The following DLGAP2 variants were observed in gnomAD, a reference collection of about 807,000 sequenced individuals.
DLGAP2 encodes DLG associated protein 2.
In DLGAP2, 26 loss-of-function variants were observed where a neutral mutation model predicts 100.3. The observed-to-expected ratio is 0.26, with a 90% CI of 0.19 to 0.36. The LOEUF is 0.36. DLGAP2 is among the 10% of genes least tolerant of loss of function. The pLI is 1.00. For missense variants in DLGAP2, 1,858 were observed against 1,453.2 expected, an observed-to-expected ratio of 1.28 and a Z score of -4.53; for synonymous variants, 886 against 630.1, an observed-to-expected ratio of 1.41 and a Z score of -6.08.
intron 1 of DLGAP2, among the ~76,000 whole-genome samples, chr8:782,886 A>C (rs574823159): frequency 9.2e-5 from 14 of 152,302 alleles, no homozygotes; most frequent in Admixed American, 5.2e-4. Context: ...ACAGAAGAAG[A>C]ACCAACCCCC....
At chr8:1,215,401 C>T (rs1198029603) in intron 2 of DLGAP2, among the ~76,000 whole-genome samples, 1 of 152,128 alleles carries the variant, frequency 6.6e-6, no homozygotes, top group African/African-American at 2.4e-5. Flanking sequence ...CTGATGGGTT[C>T]ATTAGGGTGC....
intron 3 of DLGAP2, among the ~76,000 whole-genome samples, chr8:1,336,098 G>C (rs1353726828): frequency 6.6e-6 from 1 of 152,252 alleles, no homozygotes. Context: ...AGTCTTGGCT[G>C]CTGCATCCAA....
Position 797,028 on chromosome 8 carries a change from C to T in DLGAP2, c.18+59203C>T, listed in dbSNP as rs539914585. ...AGTATCTTGTACTTAAAATGTATTT[C>T]CATTGGCAGAGTCAATATTACTTTC... On this transcript the variant is annotated intron_variant, in intron 1 of 14. Transcript: ENST00000637795. 4.6e-5 allele frequency among the ~76,000 whole-genome samples: 7 copies of T among 152,346 alleles called. No individual in the cohort carries two copies. In the South Asian group the frequency reaches 1.5e-3, roughly 32 times the overall value.
rs1799654321 is a variant in DLGAP2 at position 1,704,534 on chromosome 8, A to C, written c.*3128A>C. The C allele has an allele frequency of 6.6e-6, 1 of 152,226 alleles. No homozygotes were observed. Among genetic ancestry groups the C allele is most frequent in the African/African-American group, 2.4e-5 (1 of 41,440 alleles). The allele number at this position is 152,226 out of a possible 1,614,324, so 9.4% of individuals were successfully genotyped here. A position where few individuals can be genotyped will look rare whatever the true frequency, so the allele number is the denominator to read the frequency against. ...TCACGTGTTGTTGTGTTTGAAGTAA[A>C]ACTAGTTGTTATCGATGACAATTTT... On this transcript the variant is annotated 3_prime_UTR_variant, in exon 15 of 15. Coordinates refer to ENST00000637795, the MANE Select transcript of DLGAP2 (RefSeq NM_001346810.2).
intron 2 of DLGAP2, among the ~76,000 whole-genome samples, chr8:965,423 CAT>C (rs1799833455): frequency 1.3e-5 from 1 of 75,136 alleles, no homozygotes; most frequent in African/African-American, 6.0e-5. Context: ...CCGACCCCCG[CAT>C]GCACACAGCG....
At chr8:1,455,162 C>T (rs921959166) in intron 3 of DLGAP2, among the ~76,000 whole-genome samples, 1 of 152,208 alleles carries the variant, frequency 6.6e-6, no homozygotes, top group African/African-American at 2.4e-5. Context: ...GAGAGCCCGT[C>T]TAAAGCCCAG....
At chr8:1,627,938 G>A (rs112814148) in intron 7 of DLGAP2, among the ~76,000 whole-genome samples, 8 of 143,144 alleles carry the variant, frequency 5.6e-5, no homozygotes, top group East Asian at 2.1e-4. Flanking sequence ...GTGGAGCAGG[G>A]ATTAAGAGCC....
At chr8:850,995 C>G (rs887656207) in intron 1 of DLGAP2, among the ~76,000 whole-genome samples, 1 of 152,088 alleles carries the variant, frequency 6.6e-6, no homozygotes. Flanking sequence ...ATGTGATGAA[C>G]AAGTAGAGAC....
chr8:1,256,370 G>GCGCACAGGGACAC (rs1799216896), intron 2 of DLGAP2, among the ~76,000 whole-genome samples: 1 of 138,572 alleles, frequency 7.2e-6, no homozygotes, highest in Non-Finnish European at 1.5e-5. Flanking sequence ...TGCTGTGTGT[G>GCGCACAGGGACAC]TGTCCTCTCA....
chr8:1,209,929 C>T (rs58109796), intron 2 of DLGAP2, among the ~76,000 whole-genome samples: 5,411 of 152,254 alleles, frequency 0.036, 322 homozygotes, highest in African/African-American at 0.12. Context: ...ATCAGCGGTG[C>T]TTGACCACTT....
chr8:1,255,101 T>TGTGTGTGTGTCCTCTCATCCTGTCC (rs1563043564), intron 2 of DLGAP2, among the ~76,000 whole-genome samples: 1 of 108,396 alleles, frequency 9.2e-6, no homozygotes, highest in African/African-American at 4.4e-5. Context: ...TCATCCTGCC[T>TGTGTGTGTGTCCTCTCATCCTGTCC]GGGTGCTGTG....
intron 2 of DLGAP2, among the ~76,000 whole-genome samples, chr8:1,221,618 T>A (rs1372646449): frequency 6.6e-6 from 1 of 152,150 alleles, no homozygotes; most frequent in African/African-American, 2.4e-5. Flanking sequence ...GTTCTCTGAA[T>A]TTCCTGAATT....
chr8:1,478,693 G>A (rs967925702), intron 3 of DLGAP2, among the ~76,000 whole-genome samples: 1 of 152,130 alleles, frequency 6.6e-6, no homozygotes. Context: ...CAAACCAATG[G>A]AATAGACCTG....
intron 2 of DLGAP2, among the ~76,000 whole-genome samples, chr8:1,175,689 G>A (rs919886157): frequency 8.5e-5 from 13 of 152,176 alleles, no homozygotes; most frequent in African/African-American, 1.2e-4. Flanking sequence ...ACTTTTAGGG[G>A]TTAGATATCA....
intron 2 of DLGAP2, among the ~76,000 whole-genome samples, chr8:1,153,942 A>G (rs556985845): frequency 6.6e-6 from 1 of 152,126 alleles, no homozygotes; most frequent in Non-Finnish European, 1.5e-5. Flanking sequence ...CCCCTTTCCT[A>G]GGGGGTTTCA....
At chr8:1,509,303 C>A (rs1209880546) in intron 4 of DLGAP2, among the ~76,000 whole-genome samples, 4 of 148,226 alleles carry the variant, frequency 2.7e-5, no homozygotes, top group Non-Finnish European at 5.9e-5. Flanking sequence ...TGTGCTCCGG[C>A]CTGGCAACAG....
chr8:1,590,964 A>C (rs1796272348), intron 6 of DLGAP2, among the ~76,000 whole-genome samples: 1 of 152,216 alleles, frequency 6.6e-6, no homozygotes, highest in East Asian at 1.9e-4. Context: ...AGGACCAAGC[A>C]AAACATATGT....
intron 1 of DLGAP2, among the ~76,000 whole-genome samples, chr8:742,673 C>CG (rs1820516349): frequency 6.9e-6 from 1 of 145,312 alleles, no homozygotes. Flanking sequence ...CTAATTTTTA[C>CG]TTTTTTTTTT....
At chr8:910,435 G>A (rs978683638) in intron 2 of DLGAP2, 1 of 152,168 alleles carries the variant, frequency 6.6e-6, no homozygotes, top group Non-Finnish European at 1.5e-5. Context: ...TTTCCCATAC[G>A]GTCTTGTTCA....
Sources: gnomAD v4.1 joint callset for allele counts (sites outside exome capture counted in the v4.1 genomes callset) on GRCh38, gnomAD v4.1.1 for gene constraint, MANE v1.5 for transcripts, NCBI Gene and HGNC (gene_info 2026-07-23, HGNC 2026-07-21) for gene names.